Variants in DHX35 observed in about 807,000 individuals in gnomAD.
The protein encoded by DHX35 is probable ATP-dependent RNA helicase DHX35.
DHX35 carries 84 observed loss-of-function variants against 99.6 expected under a neutral mutation model. That is an observed-to-expected ratio of 0.84 (90% CI 0.71 to 1.01). DHX35 has a LOEUF of 1.01. DHX35 is among the 50% of genes least tolerant of loss of function. The pLI is 0.00. For missense variants in DHX35, 852 were observed against 888.5 expected (o/e 0.96, Z 0.52); for synonymous variants, 331 against 316.2 (o/e 1.05, Z -0.50).
chr20:38,993,012 T>A (rs2086364766), intron 7 of DHX35, among the ~76,000 whole-genome samples: 1 of 152,192 alleles, frequency 6.6e-6, no homozygotes, highest in African/African-American at 2.4e-5. Context: ...CAATTACAAC[T>A]CACAGCCAAT....
At chr20:38,996,886 G>A (rs745405245) in intron 8 of DHX35, among the ~76,000 whole-genome samples, 9 of 151,786 alleles carry the variant, frequency 5.9e-5, no homozygotes, top group Admixed American at 1.3e-4. Context: ...TGTGGACTGT[G>A]GCTGACTTCA....
At chr20:39,000,936 A>G (rs2086509774) in intron 8 of DHX35, among the ~76,000 whole-genome samples, 1 of 152,058 alleles carries the variant, frequency 6.6e-6, no homozygotes, top group African/African-American at 2.4e-5. Context: ...TCTCAGTCTC[A>G]GCTTCTCTTT....
At chr20:38,987,246 T>C (rs981190929) in intron 4 of DHX35, among the ~76,000 whole-genome samples, 1 of 152,202 alleles carries the variant, frequency 6.6e-6, no homozygotes, top group Non-Finnish European at 1.5e-5. Context: ...TTCTTTTCTT[T>C]CTTTTTTTGT....
At chr20:39,027,116 A>G (rs2086969878) in intron 18 of DHX35, among the ~76,000 whole-genome samples, 1 of 152,138 alleles carries the variant, frequency 6.6e-6, no homozygotes, top group African/African-American at 2.4e-5. Flanking sequence ...TTTGGAAGTG[A>G]TATCACCCCT....
chr20:39,003,102 C>T (rs956562905), intron 10 of DHX35, among the ~76,000 whole-genome samples: 5 of 152,168 alleles, frequency 3.3e-5, no homozygotes, highest in Non-Finnish European at 7.4e-5. Context: ...AATGTATTAG[C>T]TGATTCCAAA....
In DHX35 at chr20:39,038,528, G is replaced by C. The variant is rs754639323; in HGVS notation, c.2097G>C (p.Lys699Asn). The C allele has an allele frequency of 1.6e-5, 26 of 1,612,994 alleles. No individual in the cohort carries two copies. In the East Asian group the frequency reaches 5.3e-4, roughly 33 times the overall value. ...TGTCTCTGAAAGCCAAAAGGGCCAA[G>C]GTCCAGGACCCGTGAGAGGAGCCCA... The part of the protein sequence containing the change: ...THLSLKAKRA[K>N]VQDP Residue 699 changes from lysine to asparagine, a missense_variant, in exon 22 of 22, where the codon AAG becomes AAC. Transcript: ENST00000252011.
chr20:39,012,271 G>A (rs2145915676), intron 13 of DHX35, among the ~76,000 whole-genome samples: 1 of 152,114 alleles, frequency 6.6e-6, no homozygotes, highest in South Asian at 2.1e-4. Context: ...AAGATAAACA[G>A]TATGTGCTGA....
chr20:38,990,768 T>TG (rs567241649), intron 5 of DHX35, among the ~76,000 whole-genome samples: 1 of 152,112 alleles, frequency 6.6e-6, no homozygotes, highest in African/African-American at 2.4e-5. Flanking sequence ...TGGTGTGGGT[T>TG]GGGGGGGTTT....
intron 20 of DHX35, among the ~76,000 whole-genome samples, chr20:39,032,880 C>T (rs1278356494): frequency 6.6e-6 from 1 of 152,164 alleles, no homozygotes; most frequent in Non-Finnish European, 1.5e-5. Flanking sequence ...GTTGAAAGCA[C>T]CTTGGTCGGT....
Position 39,003,783 on chromosome 20 carries a change from A to T in DHX35, c.887A>T (p.Glu296Val). 1 of 1,614,184 alleles carries T rather than the reference A, an allele frequency of 6.2e-7. No homozygotes were observed. Among genetic ancestry groups the T allele is most frequent in the Non-Finnish European group, 8.5e-7 (1 of 1,180,014 alleles). ...GAAACTGTTGTGTCGATGCTCATCGAGCAGGCTCGAGCACTAGCTCGCACT... is the reference window on the plus strand; with the variant it reads ...GAAACTGTTGTGTCGATGCTCATCGTGCAGGCTCGAGCACTAGCTCGCACT... ...EVETVVSMLI[E>V]QARALARTGM... The change falls in exon 11 of 22, where the codon GAG becomes GTG. Residue 296 changes from glutamate (E) to valine (V), a missense_variant. Transcript: ENST00000252011.
At chr20:39,009,458 G>A (rs2145910255) in intron 12 of DHX35, among the ~76,000 whole-genome samples, 1 of 151,898 alleles carries the variant, frequency 6.6e-6, no homozygotes, top group Non-Finnish European at 1.5e-5. Context: ...CTAAATGGAA[G>A]TTGGGTCACC....
intron 11 of DHX35, 40 bp downstream of exon 11, chr20:39,003,947 T>TA (rs779004335): frequency 1.2e-6 from 2 of 1,605,342 alleles, no homozygotes; most frequent in Non-Finnish European, 1.7e-6. Flanking sequence ...GGCAGCCGTC[T>TA]ATAATCATAA....
chr20:39,030,386 C>T, intron 19 of DHX35: 1 of 306,598 alleles, frequency 3.3e-6, no homozygotes. Flanking sequence ...ATTTCCATTC[C>T]AAAGGAAATT....
At position 39,034,309 on chromosome 20, in the gene DHX35, C is replaced by A. The variant is rs1399333184; in HGVS notation, c.2059C>A (p.Gln687Lys). 1 of 1,613,682 alleles carries A rather than the reference C, an allele frequency of 6.2e-7. No individual in the cohort carries two copies. The highest frequency in any genetic ancestry group is 1.7e-5 in the Admixed American group (1 of 60,026). ...GGAGCTGGCTCCACACTTTTATCAA[C>A]AAGGAACGGTAGGAATGAACTGAGT... is the stretch of plus-strand genomic sequence containing the variant. ...LLELAPHFYQ[Q>K]GTHLSLKAKR... is the part of the protein sequence containing the mutation. Residue 687 changes from glutamine (Q) to lysine (K), a missense_variant, in exon 21 of 22, where the codon CAA becomes AAA. Coordinates refer to ENST00000252011, the MANE Select transcript of DHX35 (RefSeq NM_021931.4).
chr20:39,033,119 C>T (rs909980683), intron 20 of DHX35, among the ~76,000 whole-genome samples: 3 of 152,032 alleles, frequency 2.0e-5, no homozygotes, highest in African/African-American at 7.2e-5. Flanking sequence ...GGCTGTAGTA[C>T]TAGCTACTCA....
intron 21 of DHX35, among the ~76,000 whole-genome samples, chr20:39,036,476 A>T (rs2087152799): frequency 6.6e-6 from 1 of 152,186 alleles, no homozygotes; most frequent in South Asian, 2.1e-4. Flanking sequence ...CTGTAATCCC[A>T]GCACTTTGGG....
In DHX35 at chr20:38,991,268, T is replaced by C. The variant is rs117185765; in HGVS notation, c.451-186T>C. ...TTTGCAACTCCAGCTGAGGACCCTGTGTTTAAAGCCTTTTGTGAACAATTA... is the reference window on the plus strand; with the variant it reads ...TTTGCAACTCCAGCTGAGGACCCTGCGTTTAAAGCCTTTTGTGAACAATTA... On this transcript the variant is annotated intron_variant, in intron 5 of 21. Coordinates refer to ENST00000252011, the MANE Select transcript of DHX35 (RefSeq NM_021931.4). Among the ~76,000 whole-genome samples, 48 of 152,314 alleles carry C rather than the reference T, an allele frequency of 3.2e-4. No homozygotes were observed. The East Asian group carries it at 8.5e-3, about 27-fold the overall frequency.
chr20:38,965,688 G>T (rs747324358), intron 1 of DHX35, among the ~76,000 whole-genome samples: 1 of 152,064 alleles, frequency 6.6e-6, no homozygotes, highest in African/African-American at 2.4e-5. Context: ...TTAAATGAAT[G>T]ATTTAAAACA....
chr20:38,978,619 A>C (rs917197500), intron 3 of DHX35, among the ~76,000 whole-genome samples: 1 of 152,006 alleles, frequency 6.6e-6, no homozygotes, highest in African/African-American at 2.4e-5. Context: ...GTTTGCATTT[A>C]TTTTCTCCCA....
Sources: gnomAD v4.1 joint callset for allele counts (sites outside exome capture counted in the v4.1 genomes callset) on GRCh38, gnomAD v4.1.1 for gene constraint, MANE v1.5 for transcripts, NCBI Gene and HGNC (gene_info 2026-07-23, HGNC 2026-07-21) for gene names.